Variants in HIP1 observed in about 807,000 individuals in gnomAD.
The protein encoded by HIP1 is huntingtin interacting protein 1, also known as huntingtin-interacting protein 1.
Under a neutral mutation model 147.6 loss-of-function variants are expected in HIP1, and 65 were observed. That is an observed-to-expected ratio of 0.44 (90% confidence interval 0.36 to 0.54). The LOEUF is 0.54. HIP1 is among the 20% of genes least tolerant of loss of function. HIP1 has a pLI of 0.00. For missense variants in HIP1, 1,061 were observed against 1,299.6 expected (o/e 0.82, Z 2.82); for synonymous variants, 479 against 504.0 (o/e 0.95, Z 0.67).
intron 1 of HIP1, among the ~76,000 whole-genome samples, chr7:75,600,186 C>G (rs2117010464): frequency 6.6e-6 from 1 of 152,194 alleles, no homozygotes; most frequent in East Asian, 1.9e-4. Context: ...TCGTGGCTCA[C>G]TGCAACCCCT....
intron 5 of HIP1, among the ~76,000 whole-genome samples, chr7:75,583,953 T>C (rs1554499102): frequency 6.7e-6 from 1 of 148,674 alleles, no homozygotes; most frequent in Non-Finnish European, 1.5e-5. Context: ...CTTTAATGTG[T>C]GCGGGATATT....
chr7:75,595,243 TCTTTCTTTCTTCCTTCCTTC>T (rs1424474129), intron 2 of HIP1, among the ~76,000 whole-genome samples: 104 of 104,844 alleles, frequency 9.9e-4, no homozygotes, highest in African/African-American at 4.9e-3. Context: ...TTTCTTTCTT[TCTTTCTTTCTTCCTTCCTTC>T]CTTCCTTCCT....
chr7:75,546,077 A>G (rs587607190), intron 25 of HIP1, among the ~76,000 whole-genome samples: 1 of 152,342 alleles, frequency 6.6e-6, no homozygotes, highest in South Asian at 2.1e-4. Flanking sequence ...CATTTCTACC[A>G]TACCATGACA....
intron 1 of HIP1, among the ~76,000 whole-genome samples, chr7:75,724,908 T>C (rs1563314730): frequency 6.6e-6 from 1 of 152,152 alleles, no homozygotes; most frequent in South Asian, 2.1e-4. Flanking sequence ...TAGGGCAGCA[T>C]TGGGAATGCT....
intron 2 of HIP1, among the ~76,000 whole-genome samples, chr7:75,594,733 C>G (rs1554501523): frequency 3.3e-5 from 5 of 152,152 alleles, no homozygotes. Context: ...AAGATTGCAC[C>G]ACTGCACTCC....
Position 75,558,262 on chromosome 7 carries a change from T to A in HIP1, c.1376-7A>T, listed in dbSNP as rs781941715. ...TCATTGGCTTGAGCTTTCCCTGTAT[T>A]GTAAAGGACCAAGGTGAGGAGTCTA... On this transcript the variant is annotated splice_polypyrimidine_tract_variant and splice_region_variant and intron_variant, in intron 14 of 30. Coordinates refer to ENST00000336926, the MANE Select transcript of HIP1 (RefSeq NM_005338.7). 4.2e-5 allele frequency: 67 copies of A among 1,611,782 alleles called. No individual in the cohort carries two copies. Among genetic ancestry groups the A allele is most frequent in the Non-Finnish European group, 9.3e-6 (11 of 1,177,992 alleles).
intron 1 of HIP1, among the ~76,000 whole-genome samples, chr7:75,663,310 A>G (rs1489709213): frequency 6.6e-6 from 1 of 152,100 alleles, no homozygotes; most frequent in African/African-American, 2.4e-5. Flanking sequence ...AACAAATATA[A>G]TGTCCAGACC....
At chr7:75,583,039 C>T (rs1796116674) in intron 5 of HIP1, among the ~76,000 whole-genome samples, 1 of 152,182 alleles carries the variant, frequency 6.6e-6, no homozygotes, top group Non-Finnish European at 1.5e-5. Flanking sequence ...CTCCCCACAC[C>T]AGCATCTCCC....
At chr7:75,688,219 C>T (rs907831693) in intron 1 of HIP1, among the ~76,000 whole-genome samples, 3 of 152,162 alleles carry the variant, frequency 2.0e-5, no homozygotes, top group Admixed American at 1.3e-4. Context: ...GGCCACAATC[C>T]GGGAGGTGGG....
chr7:75,600,706 A>G (rs587755200), intron 1 of HIP1, among the ~76,000 whole-genome samples: 2 of 152,268 alleles, frequency 1.3e-5, no homozygotes, highest in African/African-American at 2.4e-5. Context: ...TCTTGAATGT[A>G]TCTCCCGGAA....
intron 1 of HIP1, among the ~76,000 whole-genome samples, chr7:75,671,193 G>C (rs1175963632): frequency 6.6e-6 from 1 of 151,806 alleles, no homozygotes; most frequent in South Asian, 2.1e-4. Flanking sequence ...TCCCGGGTTC[G>C]AGTGATTCTC....
rs868978231 is a variant in HIP1 at position 75,723,957 on chromosome 7, G to T, written c.120+14844C>A. The stretch of plus-strand genomic sequence containing the variant: ...TATCATTTATATATATATAGAGAGA[G>T]AGAGAGAGAGAGAAAGAGAGACAGA... On this transcript the variant is annotated intron_variant, in intron 1 of 30. Coordinates refer to ENST00000336926, the MANE Select transcript of HIP1 (RefSeq NM_005338.7). Among the ~76,000 whole-genome samples, 245 of 148,710 alleles carry T rather than the reference G, an allele frequency of 1.6e-3. 2 individuals carry two copies. In the South Asian group the frequency reaches 0.03, roughly 18 times the overall value.
intron 1 of HIP1, among the ~76,000 whole-genome samples, chr7:75,647,661 T>C (rs1171667092): frequency 1.3e-5 from 2 of 152,242 alleles, no homozygotes; most frequent in Non-Finnish European, 2.9e-5. Flanking sequence ...TTCACCATGA[T>C]GCTCTGGGTC....
At position 75,556,031 on chromosome 7, in the gene HIP1, TGCTGGCCAGTTTGA is replaced by T; in HGVS notation, c.1808_1821del (p.Leu603HisfsTer36). ...TGTCCATGTCCGTGACTTGCCTCTGTGCTGGCCAGTTTGAGCTGAGTGTCCTGCAGTTCTTTCCG... is the reference window on the plus strand; with the variant it reads ...TGTCCATGTCCGTGACTTGCCTCTGTGCTGAGTGTCCTGCAGTTCTTTCCG... On this transcript the variant is annotated frameshift_variant, in exon 18 of 31. Transcript: ENST00000336926. LOFTEE classifies it high-confidence loss of function. 6.2e-7 allele frequency: 1 copy of T among 1,614,122 alleles called. No individual in the cohort carries two copies. Among genetic ancestry groups the T allele is most frequent in the Non-Finnish European group, 8.5e-7 (1 of 1,179,968 alleles).
intron 1 of HIP1, among the ~76,000 whole-genome samples, chr7:75,658,291 T>C (rs1428923122): frequency 3.3e-5 from 5 of 152,348 alleles, no homozygotes; most frequent in South Asian, 2.1e-4. Context: ...TTTCACCATG[T>C]TGGCCAGGCT....
intron 27 of HIP1, 111 bp downstream of exon 27, chr7:75,544,584 T>A (rs1413925606): frequency 1.4e-6 from 1 of 721,160 alleles, no homozygotes; most frequent in Non-Finnish European, 2.5e-6. Flanking sequence ...CCTGGCCAAG[T>A]ACTCTCTAAC....
At chr7:75,692,780 G>A (rs1228773758) in intron 1 of HIP1, among the ~76,000 whole-genome samples, 5 of 151,922 alleles carry the variant, frequency 3.3e-5, no homozygotes, top group African/African-American at 7.2e-5. Context: ...TGACAGATAC[G>A]ACATAATTCT....
intron 1 of HIP1, 89 bp downstream of exon 1, chr7:75,738,712 C>G: frequency 6.9e-7 from 1 of 1,443,658 alleles, no homozygotes; most frequent in South Asian, 1.2e-5. Context: ...CAACTGGGGC[C>G]TGCAAGACTC....
chr7:75,554,132 G>T lies in HIP1; in HGVS notation c.2139C>A (p.Ala713=). Residue 713 remains alanine, a synonymous_variant, in exon 21 of 31, where the codon GCC becomes GCA. Coordinates refer to ENST00000336926, the MANE Select transcript of HIP1 (RefSeq NM_005338.7). ...IAHGATTCLR[A]PPEPADSLTE... ...ACTCACAGTCGGCAGGCTCAGGTGG[G>T]GCTCTGAGGCAGGTGGTGGCACCAT... is the stretch of plus-strand genomic sequence containing the variant. 6.2e-7 allele frequency: 1 copy of T among 1,613,752 alleles called. No homozygotes were observed. The highest frequency in any genetic ancestry group is 1.1e-5 in the South Asian group (1 of 91,062).
Sources: allele counts gnomAD v4.1 joint callset (sites outside exome capture counted in the v4.1 genomes callset), GRCh38; gene constraint gnomAD v4.1.1; transcripts MANE v1.5; gene names NCBI Gene and HGNC (gene_info 2026-07-23, HGNC 2026-07-21).